TMPRSS9: variants seen among roughly 807,000 people sequenced by gnomAD.
TMPRSS9 encodes transmembrane serine protease 9, also known as transmembrane protease serine 9.
In TMPRSS9, 113 loss-of-function variants were observed where a neutral mutation model predicts 111.4. The observed-to-expected ratio is 1.01, with a 90% CI of 0.87 to 1.19. TMPRSS9 has a LOEUF of 1.19. Among genes scored for constraint, TMPRSS9 ranks in the 50% most tolerant of loss-of-function variants. The pLI is 0.00. For synonymous variants in TMPRSS9, 805 were observed against 659.1 expected, an observed-to-expected ratio of 1.22 and a Z score of -3.39; for missense variants, 1,803 against 1,513.1, an observed-to-expected ratio of 1.19 and a Z score of -3.18.
chr19:2,409,924 G>C (rs956015213), intron 8 of TMPRSS9, among the ~76,000 whole-genome samples: 1 of 152,076 alleles, frequency 6.6e-6, no homozygotes, highest in South Asian at 2.1e-4. Context: ...GGGCTGACCT[G>C]AGGCCAACTT....
intron 1 of TMPRSS9, among the ~76,000 whole-genome samples, chr19:2,371,118 C>G (rs1052758299): frequency 1.1e-4 from 17 of 152,214 alleles, no homozygotes; most frequent in Non-Finnish European, 4.4e-5. Flanking sequence ...CAGCTCACTC[C>G]TGTTTGAAAA....
At position 2,415,925 on chromosome 19, in the gene TMPRSS9, G is replaced by A; in HGVS notation, c.1745+84G>A. ...TGTCAGAAACCATCCTGCTGGGGCT[G>A]CTGCATGGACCCCACTGGGGAGCAG... On this transcript the variant is annotated intron_variant, in intron 11 of 17. Coordinates refer to ENST00000648592, the Ensembl canonical transcript of TMPRSS9. 6 of 1,457,098 alleles carry A rather than the reference G, an allele frequency of 4.1e-6. No individual in the cohort carries two copies. In the South Asian group the frequency reaches 8.4e-5, roughly 20 times the overall value. The allele number at this position is 1,457,098 out of a possible 1,614,324, so 90.3% of individuals were successfully genotyped here. A position where few individuals can be genotyped will look rare whatever the true frequency, so the allele number is the denominator to read the frequency against.
intron 13 of TMPRSS9, among the ~76,000 whole-genome samples, chr19:2,418,370 T>TCCCTC (rs199788288): frequency 2.0e-5 from 1 of 50,926 alleles, no homozygotes; most frequent in African/African-American, 1.0e-4. Flanking sequence ...TCCCTTCCCT[T>TCCCTC]CCCTCCCTCC....
chr19:2,423,060 TA>T (rs558254831), intron 14 of TMPRSS9, among the ~76,000 whole-genome samples: 3,565 of 132,542 alleles, frequency 0.027, 48 homozygotes, highest in African/African-American at 0.042. Context: ...CTAAAAAAAT[TA>T]AAAAAAAAAA....
intron 1 of TMPRSS9, among the ~76,000 whole-genome samples, chr19:2,368,349 T>G (rs1970263116): frequency 6.8e-6 from 1 of 148,004 alleles, no homozygotes. Context: ...AAGCAGAGAA[T>G]GTGAAGGGCA....
At position 2,408,438 on chromosome 19, in the gene TMPRSS9, G is replaced by C; in HGVS notation, c.925G>C (p.Val309Leu). The change falls in exon 8 of 18, where the codon GTG becomes CTG. Residue 309 changes from valine to leucine, a missense_variant. Transcript: ENST00000648592. ...GGAGGCCAGCACCGTGCGGGCCCAG[G>C]TGGTCCAGATCGTCAAGCACCCCCT... 1 of 1,613,896 alleles carries C rather than the reference G, an allele frequency of 6.2e-7. No homozygotes were observed. The highest frequency in any genetic ancestry group is 8.5e-7 in the Non-Finnish European group (1 of 1,180,014).
rs548326668 is a variant in TMPRSS9, at chr19:2,423,750, C to T, written c.2549-339C>T. Among the ~76,000 whole-genome samples, 221 of 151,834 alleles carry T rather than the reference C, an allele frequency of 1.5e-3. 1 individual carries two copies. Among genetic ancestry groups the T allele is most frequent in the African/African-American group, 5.2e-3 (216 of 41,400 alleles). On this transcript the variant is annotated intron_variant, in intron 14 of 17. Coordinates refer to ENST00000648592, the Ensembl canonical transcript of TMPRSS9. The stretch of plus-strand genomic sequence containing the variant: ...CAAGGCAGGGCTGGGGCCTCTGGGG[C>T]GGGGCCCTGGTGTGTGCAAAGGCCT...
At chr19:2,413,788 A>G in exon 10 of TMPRSS9, 1 of 1,613,884 alleles carries the variant, frequency 6.2e-7, no homozygotes, top group Non-Finnish European at 8.5e-7. Context: ...GGGTGTGCGG[A>G]AGCCCGGCGT....
chr19:2,371,767 T>C (rs1470536201), intron 1 of TMPRSS9, among the ~76,000 whole-genome samples: 4 of 149,710 alleles, frequency 2.7e-5, no homozygotes, highest in East Asian at 3.9e-4. Context: ...CCAGGACAAC[T>C]GGTCACCCCA....
chr19:2,369,109 A>G lies in TMPRSS9; in HGVS notation c.-26+8749A>G, dbSNP rs535804113. On this transcript the variant is annotated intron_variant, in intron 1 of 17. Transcript: ENST00000649857. Reference sequence around the variant, plus strand: ...TGGGATTACAGGCGCCCACCACCACACCCAGCTAATTTTGTATTTTTAGTA... The same window carrying G: ...TGGGATTACAGGCGCCCACCACCACGCCCAGCTAATTTTGTATTTTTAGTA... Among the ~76,000 whole-genome samples, 316 of 150,578 alleles carry G rather than the reference A, an allele frequency of 2.1e-3. 2 individuals carry two copies. The highest frequency in any genetic ancestry group is 7.2e-3 in the African/African-American group (294 of 41,008).
At chr19:2,373,547 TAGAG>T (rs1243659813) in intron 1 of TMPRSS9, among the ~76,000 whole-genome samples, 11 of 152,050 alleles carry the variant, frequency 7.2e-5, no homozygotes, top group South Asian at 4.2e-4. Flanking sequence ...GCATTTTTAG[TAGAG>T]ACGGGGTTTC....
In TMPRSS9 at chr19:2,425,439, C is replaced by G. The variant is rs767009560; in HGVS notation, c.3066C>G (p.Ile1022Met). The G allele has an allele frequency of 3.1e-6, 5 of 1,591,378 alleles. No individual in the cohort carries two copies. In the Admixed American group the frequency reaches 8.5e-5, roughly 27 times the overall value. The change falls in exon 17 of 18, where the codon ATC becomes ATG. Residue 1022 changes from isoleucine to methionine, a missense_variant. Transcript: ENST00000648592. ...GCCGCCGCTTCTACCCAGTGCAGAT[C>G]AGCAGCCGCATGCTGTGTGCCGGCT...
chr19:2,369,451 C>T (rs1970272606), intron 1 of TMPRSS9, among the ~76,000 whole-genome samples: 1 of 151,944 alleles, frequency 6.6e-6, no homozygotes, highest in Non-Finnish European at 1.5e-5. Context: ...CAGGGTCTTG[C>T]TCTGTCACCC....
intron 1 of TMPRSS9, among the ~76,000 whole-genome samples, chr19:2,367,087 T>G (rs900723694): frequency 3.9e-5 from 6 of 152,146 alleles, no homozygotes; most frequent in African/African-American, 1.4e-4. Context: ...GCCATAGTGC[T>G]TCTATGATCT....
At chr19:2,410,336 C>CACT (rs764795007) in exon 9 of TMPRSS9, 1 of 1,614,102 alleles carries the variant, frequency 6.2e-7, no homozygotes, top group South Asian at 1.1e-5. Flanking sequence ...TACGGCCATT[C>CACT]ACTCACTGAC....
intron 13 of TMPRSS9, among the ~76,000 whole-genome samples, 182 bp downstream of exon 14, chr19:2,418,320 TCCCTCCC>T (rs1568189387): frequency 0.05 from 1,702 of 34,258 alleles, 130 homozygotes; most frequent in East Asian, 0.19. Context: ...CCTCCCTCCC[TCCCTCCC>T]TCCCTTTCCT....
At chr19:2,389,021 G>A (rs978170211), upstream of TMPRSS9, among the ~76,000 whole-genome samples, 1 of 151,274 alleles carries the variant, frequency 6.6e-6, no homozygotes, top group African/African-American at 2.4e-5. Context: ...GGACCGCAGC[G>A]ACCCACGGGA....
chr19:2,384,723 G>C (rs1970438505), intron 1 of TMPRSS9, among the ~76,000 whole-genome samples: 1 of 151,246 alleles, frequency 6.6e-6, no homozygotes. Flanking sequence ...GCGGAGTCAG[G>C]AGAATGGTGT....
chr19:2,396,810 G>C (rs1378082899), intron 2 of TMPRSS9, 144 bp downstream of exon 3: 101 of 1,260,382 alleles, frequency 8.0e-5, no homozygotes, highest in Non-Finnish European at 1.1e-4. Flanking sequence ...GGCCAGGCCA[G>C]GGGGCGGGCA....
Sources: gnomAD v4.1 joint callset for allele counts (sites outside exome capture counted in the v4.1 genomes callset) on GRCh38, gnomAD v4.1.1 for gene constraint, MANE v1.5 for transcripts, NCBI Gene and HGNC (gene_info 2026-07-23, HGNC 2026-07-21) for gene names.